The following ANKS1B variants were observed in gnomAD, a reference collection of about 807,000 sequenced individuals.
ANKS1B encodes the protein ankyrin repeat and sterile alpha motif domain-containing protein 1B.
A neutral mutation model predicts 148.3 loss-of-function variants in ANKS1B; 36 were observed. The ratio of observed to expected loss-of-function variants is 0.24; its 90% confidence interval spans 0.19 to 0.32. The LOEUF (loss-of-function observed/expected upper bound fraction) is 0.32, where lower values mean the gene tolerates loss of function less well. Ranked by LOEUF, ANKS1B falls within the 10% of genes least tolerant of loss-of-function variation. ANKS1B has a pLI of 1.00. For missense variants in ANKS1B, 1,157 were observed against 1,542.6 expected (o/e 0.75, Z 4.19); for synonymous variants, 542 against 560.8 (o/e 0.97, Z 0.47).
chr12:99,945,448 G>A (rs1031907815), intron 1 of ANKS1B, among the ~76,000 whole-genome samples: 2 of 152,082 alleles, frequency 1.3e-5, no homozygotes, highest in East Asian at 1.9e-4. Context: ...GTAACAGCAC[G>A]GTGTCAGTTT....
intron 17 of ANKS1B, among the ~76,000 whole-genome samples, chr12:98,968,811 A>G (rs1254598824): frequency 1.3e-5 from 2 of 152,194 alleles, no homozygotes; most frequent in Non-Finnish European, 2.9e-5. Context: ...ACCGCTTTCC[A>G]GACCAGGAAA....
chr12:99,321,123 G>A (rs1266703276), intron 12 of ANKS1B, among the ~76,000 whole-genome samples: 1 of 152,192 alleles, frequency 6.6e-6, no homozygotes, highest in East Asian at 1.9e-4. Flanking sequence ...CTACTGGGAG[G>A]TGTCTCCCAG....
intron 4 of ANKS1B, among the ~76,000 whole-genome samples, chr12:99,785,437 C>T (rs11110037): frequency 0.019 from 2,762 of 148,958 alleles, 34 homozygotes; most frequent in Middle Eastern, 0.041. Flanking sequence ...TTTTTTTTTT[C>T]TGTTTTTCTT....
intron 25 of ANKS1B, among the ~76,000 whole-genome samples, chr12:98,764,130 T>C (rs916648987): frequency 6.6e-6 from 1 of 152,188 alleles, no homozygotes; most frequent in African/African-American, 2.4e-5. Flanking sequence ...CCAGGGTTTG[T>C]GCAAAGGTGG....
At chr12:99,402,412 C>T (rs12578362) in intron 11 of ANKS1B, among the ~76,000 whole-genome samples, 12,408 of 145,148 alleles carry the variant, frequency 0.085, 2,846 homozygotes, top group African/African-American at 0.29. Flanking sequence ...ATTATTTTAT[C>T]GCCCAGGTAT....
At chr12:99,108,198 A>T (rs74427910) in intron 15 of ANKS1B, among the ~76,000 whole-genome samples, 208 of 152,330 alleles carry the variant, frequency 1.4e-3, no homozygotes, top group African/African-American at 4.7e-3. Context: ...TGAAAGAGGT[A>T]CAGAAGATTC....
At chr12:99,967,103 A>G (rs1383846111) in intron 1 of ANKS1B, among the ~76,000 whole-genome samples, 1 of 152,180 alleles carries the variant, frequency 6.6e-6, no homozygotes, top group Non-Finnish European at 1.5e-5. Context: ...TTCCCATTCA[A>G]TAAAAGATAC....
intron 17 of ANKS1B, among the ~76,000 whole-genome samples, chr12:98,874,715 T>C (rs2099683369): frequency 6.6e-6 from 1 of 152,160 alleles, no homozygotes. Context: ...CAAATATATC[T>C]GTATGTTTAG....
intron 17 of ANKS1B, among the ~76,000 whole-genome samples, chr12:98,876,651 G>A (rs2099691284): frequency 6.6e-6 from 1 of 152,300 alleles, no homozygotes; most frequent in African/African-American, 2.4e-5. Context: ...AATGGCTAAA[G>A]TGGTTATCTT....
At chr12:99,710,199 G>A (rs2056433744) in intron 8 of ANKS1B, among the ~76,000 whole-genome samples, 1 of 152,098 alleles carries the variant, frequency 6.6e-6, no homozygotes, top group African/African-American at 2.4e-5. Flanking sequence ...GTACCATAAA[G>A]AAGACAAGAT....
chr12:99,642,131 C>T (rs144028948), intron 9 of ANKS1B, among the ~76,000 whole-genome samples: 1 of 152,110 alleles, frequency 6.6e-6, no homozygotes, highest in Admixed American at 6.6e-5. Context: ...AAAATTGAGG[C>T]TTTCCAAAGG....
chr12:99,319,085 A>C (rs2084726372), intron 12 of ANKS1B, among the ~76,000 whole-genome samples: 1 of 152,152 alleles, frequency 6.6e-6, no homozygotes, highest in African/African-American at 2.4e-5. Flanking sequence ...GGAGTGCTTT[A>C]CTTCCAACTA....
At chr12:99,043,420 G>A (rs2099960353) in intron 17 of ANKS1B, among the ~76,000 whole-genome samples, 1 of 152,206 alleles carries the variant, frequency 6.6e-6, no homozygotes, top group Non-Finnish European at 1.5e-5. Flanking sequence ...AAAACTGGCA[G>A]TGAATAATTT....
intron 1 of ANKS1B, among the ~76,000 whole-genome samples, chr12:99,831,998 T>C (rs1271493277): frequency 6.6e-6 from 1 of 152,118 alleles, no homozygotes; most frequent in Non-Finnish European, 1.5e-5. Flanking sequence ...AAGAGCAAAA[T>C]AAAACAGTGG....
chr12:99,736,498 A>G (rs756181586), intron 8 of ANKS1B, among the ~76,000 whole-genome samples: 1 of 151,650 alleles, frequency 6.6e-6, no homozygotes, highest in Non-Finnish European at 1.5e-5. Flanking sequence ...TCTTATTTAC[A>G]GTAGCTACAA....
chr12:98,762,234 C>T (rs969800619), intron 25 of ANKS1B, among the ~76,000 whole-genome samples: 2 of 152,218 alleles, frequency 1.3e-5, no homozygotes, highest in Non-Finnish European at 2.9e-5. Context: ...GGGCTACCTA[C>T]CTACAGCACC....
rs538026346 is a variant in ANKS1B at position 99,461,240 on chromosome 12, C to T, written c.1439-17431G>A. On this transcript the variant is annotated intron_variant, in intron 10 of 26. Coordinates refer to ENST00000683438, the MANE Select transcript of ANKS1B (RefSeq NM_001352186.2). ...GAGCTATGCTATGAGGATGCAAAGG[C>T]ATAAGAATGATACAATGGACTTTGG... Among the ~76,000 whole-genome samples, 38 of 152,032 alleles carry T rather than the reference C, an allele frequency of 2.5e-4. No individual in the cohort carries two copies. In the South Asian group the frequency reaches 7.7e-3, roughly 31 times the overall value.
At chr12:99,682,464 C>A (rs1179457562) in intron 8 of ANKS1B, among the ~76,000 whole-genome samples, 1 of 152,094 alleles carries the variant, frequency 6.6e-6, no homozygotes, top group East Asian at 1.9e-4. Context: ...CCTTCAAAAC[C>A]ATGGAAATAC....
chr12:99,020,132 T>C (rs1233932674), intron 17 of ANKS1B, among the ~76,000 whole-genome samples: 3 of 152,096 alleles, frequency 2.0e-5, no homozygotes, highest in African/African-American at 4.8e-5. Flanking sequence ...TACTTTTAAG[T>C]GCACAGTTCT....
Sources: gnomAD v4.1 joint callset for allele counts (sites outside exome capture counted in the v4.1 genomes callset) on GRCh38, gnomAD v4.1.1 for gene constraint, MANE v1.5 for transcripts, NCBI Gene and HGNC (gene_info 2026-07-23, HGNC 2026-07-21) for gene names.